PIBF1: variants seen among roughly 807,000 people sequenced by gnomAD.
PIBF1 encodes the protein progesterone immunomodulatory binding factor 1, also known as progesterone-induced-blocking factor 1.
PIBF1 carries 90 observed loss-of-function variants against 112.5 expected under a neutral mutation model. The ratio of observed to expected loss-of-function variants is 0.80; its 90% CI spans 0.67 to 0.95. The LOEUF (loss-of-function observed/expected upper bound fraction) is 0.95, where lower values mean the gene tolerates loss of function less well. PIBF1 is among the 40% of genes least tolerant of loss of function. The pLI, the probability that PIBF1 is intolerant of heterozygous loss-of-function variation, is 0.00. For missense variants in PIBF1, 915 were observed against 852.3 expected (o/e 1.07, Z -0.92); for synonymous variants, 301 against 288.6 (o/e 1.04, Z -0.44).
In PIBF1 at chr13:72,810,857, A is replaced by ATT. The variant is rs34414482; in HGVS notation, c.673-10976_673-10975dup. ...GTCTGAGGTGGAACTAAGAACCTCA[A>ATT]TTTTTTTTTTTTTTTTTGAGACGGA... On this transcript the variant is annotated intron_variant, in intron 5 of 17. Coordinates refer to ENST00000326291, the MANE Select transcript of PIBF1 (RefSeq NM_006346.4). 3.5e-3 allele frequency among the ~76,000 whole-genome samples: 500 copies of ATT among 141,788 alleles called. 1 individual carries two copies. Among genetic ancestry groups the ATT allele is most frequent in the African/African-American group, 9.8e-3 (382 of 38,794 alleles). 93.0% of individuals were successfully genotyped at this position (141,788 alleles called of 152,430 possible).
chr13:73,009,393 G>A (rs1490428208), intron 17 of PIBF1, among the ~76,000 whole-genome samples: 2 of 152,204 alleles, frequency 1.3e-5, no homozygotes, highest in East Asian at 3.8e-4. Flanking sequence ...CTTGATCTCA[G>A]CCAAAAGGTC....
chr13:72,844,848 C>CTTG (rs2138265129), intron 9 of PIBF1, among the ~76,000 whole-genome samples: 1 of 143,228 alleles, frequency 7.0e-6, no homozygotes, highest in South Asian at 2.2e-4. Flanking sequence ...AACTCCTGAG[C>CTTG]TCAAGTGATC....
At chr13:72,960,725 ACAAAGC>A (rs1301760957) in intron 14 of PIBF1, among the ~76,000 whole-genome samples, 3 of 152,238 alleles carry the variant, frequency 2.0e-5, no homozygotes, top group African/African-American at 7.2e-5. Flanking sequence ...TTCTGTGAAA[ACAAAGC>A]CAAGGCAATT....
At chr13:72,916,677 AAAT>A (rs1463799234) in intron 12 of PIBF1, among the ~76,000 whole-genome samples, 2 of 152,190 alleles carry the variant, frequency 1.3e-5, no homozygotes, top group Non-Finnish European at 2.9e-5. Flanking sequence ...TGTTCTGATA[AAAT>A]AATATTTGTC....
At chr13:72,859,953 C>A (rs7321987) in intron 10 of PIBF1, among the ~76,000 whole-genome samples, 1 of 152,032 alleles carries the variant, frequency 6.6e-6, no homozygotes, top group Non-Finnish European at 1.5e-5. Context: ...TATGAAAAAG[C>A]TGGATTTCTT....
intron 11 of PIBF1, among the ~76,000 whole-genome samples, chr13:72,906,415 G>A (rs1293663136): frequency 6.6e-6 from 1 of 151,748 alleles, no homozygotes; most frequent in Non-Finnish European, 1.5e-5. Flanking sequence ...AAAATTAATG[G>A]GCTTATTTTA....
intron 5 of PIBF1, among the ~76,000 whole-genome samples, chr13:72,806,302 C>T (rs544858603): frequency 1.3e-5 from 2 of 151,582 alleles, no homozygotes; most frequent in South Asian, 4.2e-4. Context: ...CAGTATTTGC[C>T]CCTTTGTGAT....
chr13:72,907,391 G>T (rs1056908758), intron 11 of PIBF1, among the ~76,000 whole-genome samples: 1 of 152,026 alleles, frequency 6.6e-6, no homozygotes, highest in African/African-American at 2.4e-5. Context: ...GTCTTTAAAA[G>T]TGTTTAATTG....
intron 14 of PIBF1, among the ~76,000 whole-genome samples, chr13:72,949,029 T>C (rs1323808695): frequency 1.3e-5 from 2 of 152,132 alleles, no homozygotes; most frequent in East Asian, 1.9e-4. Context: ...TTCACAAAAA[T>C]GATTCAAATA....
At chr13:72,974,559 T>G (rs574629407) in intron 16 of PIBF1, among the ~76,000 whole-genome samples, 1 of 152,196 alleles carries the variant, frequency 6.6e-6, no homozygotes, top group Admixed American at 6.6e-5. Flanking sequence ...CCTCAAGTGA[T>G]CCGCCTGCAT....
chr13:72,875,634 A>G (rs539734271), intron 10 of PIBF1, among the ~76,000 whole-genome samples: 2 of 152,304 alleles, frequency 1.3e-5, no homozygotes, highest in Admixed American at 6.5e-5. Context: ...GGGCCTTTCT[A>G]ATACATGTAT....
At chr13:72,954,963 G>C (rs1446153458) in intron 14 of PIBF1, among the ~76,000 whole-genome samples, 1 of 152,342 alleles carries the variant, frequency 6.6e-6, no homozygotes, top group African/African-American at 2.4e-5. Flanking sequence ...CACAGAGGCT[G>C]TGGCAGAGCC....
intron 12 of PIBF1, 62 bp from the exon 13 acceptor site, chr13:72,917,014 C>G: frequency 1.9e-6 from 2 of 1,068,026 alleles, no homozygotes; most frequent in Non-Finnish European, 2.7e-6. Context: ...ATTTTCACTT[C>G]TGCCATCTTT....
intron 14 of PIBF1, among the ~76,000 whole-genome samples, chr13:72,958,134 A>C (rs1057059590): frequency 2.6e-5 from 4 of 151,806 alleles, no homozygotes; most frequent in African/African-American, 9.7e-5. Flanking sequence ...AAAAAAAAAG[A>C]ATCACGTAAG....
chr13:72,962,624 A>G (rs1018246022), intron 14 of PIBF1, among the ~76,000 whole-genome samples: 9 of 151,984 alleles, frequency 5.9e-5, no homozygotes, highest in Middle Eastern at 6.8e-3. Context: ...GAAAACATTT[A>G]GGAATAAATT....
At chr13:72,984,198 T>C (rs1463992966) in intron 16 of PIBF1, among the ~76,000 whole-genome samples, 1 of 152,188 alleles carries the variant, frequency 6.6e-6, no homozygotes, top group Non-Finnish European at 1.5e-5. Context: ...ATGAGAAAGC[T>C]AAAGCTATTG....
At chr13:72,834,039 A>T (rs1339967361) in intron 8 of PIBF1, among the ~76,000 whole-genome samples, 1 of 152,154 alleles carries the variant, frequency 6.6e-6, no homozygotes, top group Non-Finnish European at 1.5e-5. Flanking sequence ...TTGTGGCATA[A>T]TTTTTTAAAT....
intron 10 of PIBF1, among the ~76,000 whole-genome samples, chr13:72,884,927 T>C (rs148163339): frequency 4.6e-5 from 7 of 152,286 alleles, no homozygotes; most frequent in African/African-American, 1.7e-4. Flanking sequence ...ATTTAGTTCT[T>C]ATTATGTCTT....
intron 2 of PIBF1, among the ~76,000 whole-genome samples, chr13:72,790,509 A>C: frequency 3.3e-5 from 4 of 121,670 alleles, no homozygotes; most frequent in Non-Finnish European, 5.1e-5. Context: ...TCACACACAC[A>C]CATAGATAGA....
Sources: allele counts gnomAD v4.1 joint callset (sites outside exome capture counted in the v4.1 genomes callset), GRCh38; gene constraint gnomAD v4.1.1; transcripts MANE v1.5; gene names NCBI Gene and HGNC (gene_info 2026-07-23, HGNC 2026-07-21).